Variants in CTIF observed in about 807,000 individuals in gnomAD.
CTIF encodes CBP80/20-dependent translation initiation factor.
In CTIF, 21 loss-of-function variants were observed where a neutral mutation model predicts 66.0. The ratio of observed to expected loss-of-function variants is 0.32; its 90% CI spans 0.23 to 0.46. The LOEUF (loss-of-function observed/expected upper bound fraction) is 0.46, where lower values mean the gene tolerates loss of function less well. Ranked by LOEUF, CTIF falls within the 20% of genes least tolerant of loss-of-function variation. The probability of loss-of-function intolerance (pLI) is 1.00; values close to 1 mark genes in which losing one functional copy is unlikely to be tolerated. For synonymous variants in CTIF, 345 were observed against 326.4 expected (o/e 1.06, Z -0.62); for missense variants, 739 against 812.7 (o/e 0.91, Z 1.10).
chr18:48,544,793 G>A (rs954522720), intron 1 of CTIF, among the ~76,000 whole-genome samples: 4 of 152,204 alleles, frequency 2.6e-5, no homozygotes, highest in East Asian at 1.9e-4. Context: ...CAGTCGGTGC[G>A]AGCTTCACAG....
intron 3 of CTIF, among the ~76,000 whole-genome samples, chr18:48,644,338 CAG>C (rs2090987524): frequency 6.6e-6 from 1 of 152,180 alleles, no homozygotes. Context: ...GTGGAGAGAA[CAG>C]ATGCTGAAGC....
chr18:48,575,815 A>G (rs1479832367), intron 1 of CTIF, among the ~76,000 whole-genome samples: 1 of 152,262 alleles, frequency 6.6e-6, no homozygotes, highest in Non-Finnish European at 1.5e-5. Context: ...CAGTAAACAC[A>G]GAACAGCAAC....
chr18:48,732,663 C>A (rs1048144045), intron 7 of CTIF, among the ~76,000 whole-genome samples: 28 of 152,244 alleles, frequency 1.8e-4, no homozygotes, highest in African/African-American at 6.5e-4. Flanking sequence ...TCCTTCTGGA[C>A]ATGAGGTTTC....
chr18:48,749,967 C>T (rs1173120571), intron 7 of CTIF, among the ~76,000 whole-genome samples: 1 of 152,194 alleles, frequency 6.6e-6, no homozygotes, highest in Non-Finnish European at 1.5e-5. Context: ...TCACGCGGAG[C>T]CTGGCGACTC....
chr18:48,790,060 A>G (rs1202039345), intron 9 of CTIF, among the ~76,000 whole-genome samples: 1 of 152,204 alleles, frequency 6.6e-6, no homozygotes, highest in African/African-American at 2.4e-5. Flanking sequence ...AAAGGAGCTA[A>G]CCCATGTTAG....
chr18:48,843,343 T>C (rs2068992099), intron 10 of CTIF, among the ~76,000 whole-genome samples: 1 of 152,110 alleles, frequency 6.6e-6, no homozygotes, highest in Non-Finnish European at 1.5e-5. Flanking sequence ...CAGGGAGCTG[T>C]GCCCAGTGTT....
intron 1 of CTIF, among the ~76,000 whole-genome samples, chr18:48,580,116 G>C (rs974047128): frequency 6.6e-6 from 1 of 152,212 alleles, no homozygotes; most frequent in East Asian, 1.9e-4. Flanking sequence ...GGCTGGGTCA[G>C]AGTTCTGCTA....
In CTIF at chr18:48,761,372, TGTCTCCGACACC is replaced by T; in HGVS notation, c.1072-17_1072-6del. ...TCGGCTTCACTCAGGCACATTCATT[TGTCTCCGACACC>T]CCCAGGATGAAGTGGCCGTGGAGAC... On this transcript the variant is annotated splice_region_variant and splice_polypyrimidine_tract_variant and intron_variant, in intron 8 of 11. Transcript: ENST00000256413. The surrounding 1 kb of genome is among the most constrained non-coding windows in gnomAD (Gnocchi z 4.2). 2 of 1,608,220 alleles carry T rather than the reference TGTCTCCGACACC, an allele frequency of 1.2e-6. No homozygotes were observed. The highest frequency in any genetic ancestry group is 3.3e-4 in the Middle Eastern group (2 of 6,046).
At chr18:48,660,600 T>A (rs35843891) in intron 3 of CTIF, among the ~76,000 whole-genome samples, 1 of 152,184 alleles carries the variant, frequency 6.6e-6, no homozygotes, top group Non-Finnish European at 1.5e-5. Flanking sequence ...AAGTTTGCCC[T>A]GCCCAGTCAC....
chr18:48,848,829 T>C (rs1395846304), intron 10 of CTIF, among the ~76,000 whole-genome samples: 2 of 152,236 alleles, frequency 1.3e-5, no homozygotes, highest in African/African-American at 2.4e-5. Flanking sequence ...GCACCTTGGT[T>C]TCTCCCTGAG....
At chr18:48,746,530 G>A (rs1480194352) in intron 7 of CTIF, among the ~76,000 whole-genome samples, 2 of 151,498 alleles carry the variant, frequency 1.3e-5, no homozygotes, top group African/African-American at 4.9e-5. Context: ...TCTAGCTCTT[G>A]CCTGGTAGAC....
At chr18:48,803,257 C>T (rs2068081428) in intron 9 of CTIF, among the ~76,000 whole-genome samples, 2 of 152,226 alleles carry the variant, frequency 1.3e-5, no homozygotes, top group Non-Finnish European at 2.9e-5. Context: ...AGTGTGTGCC[C>T]TTTGTCTAGA....
At chr18:48,753,192 T>C (rs967991623) in intron 7 of CTIF, among the ~76,000 whole-genome samples, 1 of 152,218 alleles carries the variant, frequency 6.6e-6, no homozygotes. Context: ...GCAAGAAATA[T>C]GAGCCCATGC....
At chr18:48,786,027 G>A (rs114702869) in intron 9 of CTIF, among the ~76,000 whole-genome samples, 5 of 152,212 alleles carry the variant, frequency 3.3e-5, no homozygotes, top group South Asian at 2.1e-4. Context: ...TCACTCATCC[G>A]AGATCCTTGA....
chr18:48,813,518 C>A (rs1013811583), intron 9 of CTIF, among the ~76,000 whole-genome samples: 3 of 152,224 alleles, frequency 2.0e-5, no homozygotes, highest in Non-Finnish European at 4.4e-5. Flanking sequence ...GTTTGCTGTG[C>A]GCATCAGCCT....
chr18:48,761,467 G>A lies in CTIF; in HGVS notation c.1149G>A (p.Arg383=), dbSNP rs754263370. 1.3e-5 allele frequency: 21 copies of A among 1,614,166 alleles called. No individual in the cohort carries two copies. In the Middle Eastern group the frequency reaches 4.9e-4, roughly 38 times the overall value. ...TGATCGAGATCCTGAACAGCATGCG[G>A]AACAACAGCAGCGACGTGGACACCA... ...DKLIEILNSM[R]NNSSDVDTKL... is the part of the protein sequence containing the mutation. The change falls in exon 9 of 12, where the codon CGG becomes CGA. Residue 383 remains arginine (R), a synonymous_variant. Coordinates refer to ENST00000256413, the MANE Select transcript of CTIF (RefSeq NM_014772.3). The surrounding 1 kb of genome is among the most constrained non-coding windows in gnomAD (Gnocchi z 4.2).
intron 9 of CTIF, among the ~76,000 whole-genome samples, chr18:48,771,281 C>T (rs567485016): frequency 1.3e-5 from 2 of 152,316 alleles, no homozygotes; most frequent in African/African-American, 4.8e-5. Context: ...GCAAAGAATG[C>T]GTCTGGGTCA....
At chr18:48,616,628 T>A (rs1048118710) in intron 1 of CTIF, among the ~76,000 whole-genome samples, 8 of 152,194 alleles carry the variant, frequency 5.3e-5, no homozygotes, top group Admixed American at 3.9e-4. Flanking sequence ...TTCCATAGGG[T>A]TGCTGCGAAG....
At chr18:48,730,041 G>T (rs1268718490) in intron 7 of CTIF, among the ~76,000 whole-genome samples, 1 of 152,218 alleles carries the variant, frequency 6.6e-6, no homozygotes, top group Non-Finnish European at 1.5e-5. Context: ...GTCCACAGCT[G>T]TGCTGCCCAG....
Sources: allele counts gnomAD v4.1 joint callset (sites outside exome capture counted in the v4.1 genomes callset), GRCh38; gene constraint gnomAD v4.1.1; non-coding constraint Gnocchi (gnomAD v3.1); transcripts MANE v1.5; gene names NCBI Gene and HGNC (gene_info 2026-07-23, HGNC 2026-07-21).